Variants in VDAC1 observed in about 807,000 individuals in gnomAD.
VDAC1 encodes the protein non-selective voltage-gated ion channel VDAC1.
Under a neutral mutation model 34.7 loss-of-function variants are expected in VDAC1, and 10 were observed. The ratio of observed to expected loss-of-function variants is 0.29; its 90% CI spans 0.18 to 0.49. The LOEUF (loss-of-function observed/expected upper bound fraction) is 0.49, where lower values mean the gene tolerates loss of function less well. Ranked by LOEUF, VDAC1 falls within the 20% of genes least tolerant of loss-of-function variation. The pLI, the probability that VDAC1 is intolerant of heterozygous loss-of-function variation, is 0.99. For synonymous variants in VDAC1, 130 were observed against 136.0 expected, an observed-to-expected ratio of 0.96 and a Z score of 0.30; for missense variants, 230 against 347.9, an observed-to-expected ratio of 0.66 and a Z score of 2.69.
the VDAC1 span, among the ~76,000 whole-genome samples, chr5:134,034,698 C>T: frequency 6.6e-6 from 1 of 152,008 alleles, no homozygotes; most frequent in Non-Finnish European, 1.5e-5. Context: ...GGCCCTGGGA[C>T]ACTAATGCAA....
At chr5:134,042,495 C>CT in the VDAC1 span, among the ~76,000 whole-genome samples, 80 of 150,344 alleles carry the variant, frequency 5.3e-4, no homozygotes, top group African/African-American at 1.7e-3. Flanking sequence ...TTTTGTTTTT[C>CT]TTTTTTTTTT....
the VDAC1 span, among the ~76,000 whole-genome samples, chr5:134,104,721 G>A: frequency 6.6e-6 from 1 of 152,228 alleles, no homozygotes; most frequent in African/African-American, 2.4e-5. Context: ...TGACCACGAT[G>A]GGGAAACCCT....
chr5:134,010,936 A>G, the VDAC1 span, among the ~76,000 whole-genome samples: 3 of 147,628 alleles, frequency 2.0e-5, no homozygotes, highest in Admixed American at 2.0e-4. Context: ...CATACCCAAC[A>G]CCTCCCAAAG....
chr5:134,057,731 G>A, the VDAC1 span, among the ~76,000 whole-genome samples: 1 of 151,584 alleles, frequency 6.6e-6, no homozygotes, highest in East Asian at 1.9e-4. Context: ...ATTTTAACAG[G>A]TACTGCCAAA....
the VDAC1 span, among the ~76,000 whole-genome samples, chr5:134,039,473 C>T: frequency 2.6e-5 from 4 of 151,756 alleles, no homozygotes; most frequent in Admixed American, 6.6e-5. Context: ...GGACTACAGG[C>T]TCCTGCCACC....
At chr5:134,007,118 C>T (rs977744883), upstream of VDAC1, among the ~76,000 whole-genome samples, 3 of 152,006 alleles carry the variant, frequency 2.0e-5, no homozygotes, top group African/African-American at 7.3e-5. Context: ...GTGGCACATG[C>T]CTATAATCCC....
In VDAC1 at chr5:133,992,953, C is replaced by A; in HGVS notation, c.60G>T (p.Lys20Asn). 6.2e-7 allele frequency: 1 copy of A among 1,613,670 alleles called. No individual in the cohort carries two copies. Among genetic ancestry groups the A allele is most frequent in the Non-Finnish European group, 8.5e-7 (1 of 1,179,712 alleles). Residue 20 changes from lysine (K) to asparagine (N), a missense_variant, in exon 2 of 9, where the codon AAG (lysine) becomes AAT (asparagine). Physicochemically the swap from Lys to Asn is moderately conservative, Grantham distance 94. Transcript: ENST00000265333. The stretch of plus-strand genomic sequence containing the variant: ...CCTCTCTGCAACACTCACCATAGCC[C>A]TTGGTGAAGACATCCCTGGCAGATT... ...LGKSARDVFT[K>N]GYGFGLIKLD...
the VDAC1 span, among the ~76,000 whole-genome samples, chr5:134,080,478 C>T: frequency 4.1e-5 from 2 of 48,618 alleles, no homozygotes; most frequent in Admixed American, 2.0e-4. Flanking sequence ...ACAAAAACTG[C>T]AAGCCTCCAC....
At chr5:134,012,951 C>T in the VDAC1 span, among the ~76,000 whole-genome samples, 1 of 152,028 alleles carries the variant, frequency 6.6e-6, no homozygotes, top group Non-Finnish European at 1.5e-5. Flanking sequence ...CTCCTACAAC[C>T]AACTAATCTT....
the VDAC1 span, among the ~76,000 whole-genome samples, chr5:134,038,841 G>A: frequency 1.3e-5 from 2 of 151,904 alleles, no homozygotes; most frequent in Non-Finnish European, 2.9e-5. Context: ...GTAAGCCAAG[G>A]TGTGTTTATA....
chr5:134,032,240 T>C, the VDAC1 span, among the ~76,000 whole-genome samples: 1 of 151,722 alleles, frequency 6.6e-6, no homozygotes. Context: ...GGAAACAGAT[T>C]CTCTCCTAGA....
intron 1 of VDAC1, among the ~76,000 whole-genome samples, chr5:133,996,585 C>A (rs1404648711): frequency 6.6e-6 from 1 of 152,040 alleles, no homozygotes; most frequent in East Asian, 1.9e-4. Context: ...CACCTACCCC[C>A]AAAATCACCT....
At chr5:134,016,201 G>C in the VDAC1 span, among the ~76,000 whole-genome samples, 12 of 152,160 alleles carry the variant, frequency 7.9e-5, no homozygotes, top group Non-Finnish European at 1.6e-4. Context: ...TTGCAATTTG[G>C]GGTAAGTGCA....
chr5:134,093,440 CAT>C, the VDAC1 span, among the ~76,000 whole-genome samples: 1 of 152,110 alleles, frequency 6.6e-6, no homozygotes, highest in Non-Finnish European at 1.5e-5. Flanking sequence ...GGTAGCCATG[CAT>C]ATGTTTATAG....
the VDAC1 span, among the ~76,000 whole-genome samples, chr5:134,110,814 CAG>C: frequency 6.6e-6 from 1 of 152,200 alleles, no homozygotes; most frequent in African/African-American, 2.4e-5. Context: ...CAGAAAAGGT[CAG>C]AGTTCACGTG....
At chr5:134,072,124 G>A in the VDAC1 span, among the ~76,000 whole-genome samples, 2 of 152,152 alleles carry the variant, frequency 1.3e-5, no homozygotes, top group Non-Finnish European at 1.5e-5. Context: ...GCAAAGGCTA[G>A]TCCATCTTGC....
the VDAC1 span, among the ~76,000 whole-genome samples, chr5:134,059,736 A>G: frequency 6.7e-6 from 1 of 148,444 alleles, no homozygotes; most frequent in East Asian, 2.1e-4. Flanking sequence ...CCCCACCTCA[A>G]TCCTGCCCCC....
chr5:134,065,465 C>T, the VDAC1 span, among the ~76,000 whole-genome samples: 1 of 151,238 alleles, frequency 6.6e-6, no homozygotes. Context: ...TTCAGCCTCC[C>T]GAGTAGCTGG....
At chr5:134,098,553 C>G in the VDAC1 span, among the ~76,000 whole-genome samples, 1 of 152,244 alleles carries the variant, frequency 6.6e-6, no homozygotes, top group Non-Finnish European at 1.5e-5. Context: ...GACCAGTCCT[C>G]TGCTAACCTC....
Sources: allele counts gnomAD v4.1 joint callset (sites outside exome capture counted in the v4.1 genomes callset), GRCh38; gene constraint gnomAD v4.1.1; transcripts MANE v1.5; gene names NCBI Gene and HGNC (gene_info 2026-07-23, HGNC 2026-07-21).